The following WDR17 variants were observed in gnomAD, a reference collection of about 807,000 sequenced individuals.
The protein encoded by WDR17 is WD repeat-containing protein 17.
Under a neutral mutation model 161.7 loss-of-function variants are expected in WDR17, and 143 were observed. The observed-to-expected ratio is 0.88, with a 90% CI of 0.77 to 1.02. The LOEUF (loss-of-function observed/expected upper bound fraction) is 1.02, where lower values mean the gene tolerates loss of function less well. WDR17 is among the 50% of genes least tolerant of loss of function. WDR17 has a pLI of 0.00. For missense variants in WDR17, 1,469 were observed against 1,520.9 expected (o/e 0.97, Z 0.57); for synonymous variants, 517 against 515.6 (o/e 1.00, Z -0.04).
chr4:176,134,361 A>C (rs906982879), intron 7 of WDR17, among the ~76,000 whole-genome samples: 1 of 151,722 alleles, frequency 6.6e-6, no homozygotes, highest in African/African-American at 2.4e-5. Flanking sequence ...ATTCCCCAGC[A>C]TTTAGAATAG....
At chr4:176,131,434 T>C in intron 6 of WDR17, 120 bp from the exon 7 acceptor site, 1 of 983,884 alleles carries the variant, frequency 1.0e-6, no homozygotes, top group Admixed American at 3.1e-5. Context: ...TGGGAGAATA[T>C]ATGATCATTG....
intron 23 of WDR17, 25 bp from the exon 24 acceptor site, chr4:176,172,350 T>G: frequency 6.3e-7 from 1 of 1,594,662 alleles, no homozygotes; most frequent in East Asian, 2.3e-5. Context: ...TTAGTAACAT[T>G]GTTTTCAAAT....
chr4:176,078,987 G>A (rs1409135230), intron 1 of WDR17, among the ~76,000 whole-genome samples: 1 of 151,912 alleles, frequency 6.6e-6, no homozygotes, highest in East Asian at 1.9e-4. Context: ...CTATATAGCT[G>A]TAATTTTGTA....
rs553956793 is a variant in WDR17 at position 176,141,324 on chromosome 4, C to T, written c.1443-659C>T. Reference sequence around the variant, plus strand: ...ACTTCATAAATAGTTGTTTTAAACACTATAAATTTTGAACTACCTCATTTT... The same window carrying T: ...ACTTCATAAATAGTTGTTTTAAACATTATAAATTTTGAACTACCTCATTTT... On this transcript the variant is annotated intron_variant, in intron 10 of 28. Coordinates refer to ENST00000508596, the MANE Select transcript of WDR17 (RefSeq NM_181265.4). Among the ~76,000 whole-genome samples, 8 of 152,178 alleles carry T rather than the reference C, an allele frequency of 5.3e-5. No homozygotes were observed. In the East Asian group the frequency reaches 1.3e-3, roughly 26 times the overall value.
intron 22 of WDR17, among the ~76,000 whole-genome samples, chr4:176,167,928 C>T (rs920583505): frequency 2.0e-5 from 3 of 152,052 alleles, no homozygotes; most frequent in East Asian, 3.9e-4. Context: ...GGGTGGATCA[C>T]TTGAAGCCAG....
At chr4:176,150,631 T>C (rs948397037) in intron 16 of WDR17, 38 bp downstream of exon 16, 10 of 1,539,118 alleles carry the variant, frequency 6.5e-6, no homozygotes, top group Admixed American at 2.2e-5. Context: ...CTCAAGCAAA[T>C]TTTTTGCCTT....
chr4:176,140,877 G>C (rs1373575482), intron 10 of WDR17, among the ~76,000 whole-genome samples: 1 of 152,098 alleles, frequency 6.6e-6, no homozygotes, highest in Non-Finnish European at 1.5e-5. Flanking sequence ...AAGTGCCTAA[G>C]AGTTTTTTGA....
chr4:176,097,813 T>G (rs953901612), intron 1 of WDR17, among the ~76,000 whole-genome samples: 1 of 151,470 alleles, frequency 6.6e-6, no homozygotes, highest in Non-Finnish European at 1.5e-5. Context: ...GAATGGGAAC[T>G]GATTTTAAGA....
chr4:176,095,512 G>A (rs779193669), intron 1 of WDR17, among the ~76,000 whole-genome samples: 8 of 152,076 alleles, frequency 5.3e-5, no homozygotes, highest in Non-Finnish European at 8.8e-5. Context: ...TCATACTTGT[G>A]TATCTTCCTA....
At chr4:176,168,433 G>T (rs1564616) in intron 22 of WDR17, among the ~76,000 whole-genome samples, 75,498 of 152,012 alleles carry the variant, frequency 0.5, 19,253 homozygotes, top group Admixed American at 0.61. Flanking sequence ...TAAGACTCAT[G>T]TATGTAAAGT....
chr4:176,162,261 A>C, intron 21 of WDR17, 87 bp downstream of exon 21: 1 of 1,200,310 alleles, frequency 8.3e-7, no homozygotes, highest in Non-Finnish European at 1.2e-6. Context: ...GTGACTTTCT[A>C]TGTGAGATCT....
intron 1 of WDR17, among the ~76,000 whole-genome samples, chr4:176,091,372 A>G (rs1736103638): frequency 6.6e-6 from 1 of 152,228 alleles, no homozygotes; most frequent in Non-Finnish European, 1.5e-5. Flanking sequence ...ACACATGGAT[A>G]TTAAACAATA....
chr4:176,166,324 AAGTTCCTAT>A (rs1749772664), intron 22 of WDR17, among the ~76,000 whole-genome samples: 1 of 152,138 alleles, frequency 6.6e-6, no homozygotes, highest in Non-Finnish European at 1.5e-5. Flanking sequence ...GTAATGAGAA[AAGTTCCTAT>A]AATCACTCAT....
chr4:176,128,979 G>A, intron 6 of WDR17, 119 bp downstream of exon 6: 1 of 896,768 alleles, frequency 1.1e-6, no homozygotes, highest in Non-Finnish European at 1.6e-6. Context: ...TTTAAAAAAG[G>A]CTTTGACAAT....
At chr4:176,133,187 T>A (rs1743786220) in intron 7 of WDR17, among the ~76,000 whole-genome samples, 1 of 146,256 alleles carries the variant, frequency 6.8e-6, no homozygotes, top group East Asian at 1.9e-4. Context: ...TATTTTTATT[T>A]TTTTTTTTTT....
chr4:176,078,893 C>T (rs116529203), intron 1 of WDR17, among the ~76,000 whole-genome samples: 267 of 152,142 alleles, frequency 1.8e-3, no homozygotes, highest in African/African-American at 6.2e-3. Flanking sequence ...TCAAAGTCCT[C>T]TCTCTGGCTA....
chr4:176,110,368 C>T (rs1245424948), intron 1 of WDR17, among the ~76,000 whole-genome samples: 6 of 152,108 alleles, frequency 3.9e-5, no homozygotes, highest in Admixed American at 6.6e-5. Context: ...CGTCGTGATC[C>T]GCCCTCTTCG....
intron 1 of WDR17, among the ~76,000 whole-genome samples, chr4:176,107,876 C>A (rs1335446145): frequency 1.4e-5 from 2 of 142,096 alleles, no homozygotes; most frequent in Non-Finnish European, 3.1e-5. Flanking sequence ...CTTCCTTTTC[C>A]TTCTTTCCTT....
intron 22 of WDR17, 73 bp downstream of exon 22, chr4:176,163,366 T>C (rs535769411): frequency 6.8e-7 from 1 of 1,479,648 alleles, no homozygotes; most frequent in African/African-American, 1.4e-5. Flanking sequence ...AAATTCCATT[T>C]GATAAGATAT....
Sources: gnomAD v4.1 joint callset for allele counts (sites outside exome capture counted in the v4.1 genomes callset) on GRCh38, gnomAD v4.1.1 for gene constraint, MANE v1.5 for transcripts, NCBI Gene and HGNC (gene_info 2026-07-23, HGNC 2026-07-21) for gene names.